The following MEGF9 variants were observed in gnomAD, a reference collection of about 807,000 sequenced individuals.
MEGF9 encodes the protein multiple EGF like domains 9, also known as multiple epidermal growth factor-like domains protein 9.
In MEGF9, 6 loss-of-function variants were observed where a neutral mutation model predicts 46.8. That is an observed-to-expected ratio of 0.13 (90% CI 0.07 to 0.25). The LOEUF is 0.25. Among genes scored for constraint, MEGF9 ranks in the 10% least tolerant of loss-of-function variants. The probability of loss-of-function intolerance (pLI) is 1.00; values close to 1 mark genes in which losing one functional copy is unlikely to be tolerated. For synonymous variants in MEGF9, 302 were observed against 330.7 expected, an observed-to-expected ratio of 0.91 and a Z score of 0.94; for missense variants, 683 against 792.4, an observed-to-expected ratio of 0.86 and a Z score of 1.66.
chr9:120,615,999 G>C (rs1261189473), intron 3 of MEGF9, among the ~76,000 whole-genome samples: 1 of 152,108 alleles, frequency 6.6e-6, no homozygotes, highest in Non-Finnish European at 1.5e-5. Flanking sequence ...TACAACTATA[G>C]AGAAAGAAAA....
At chr9:120,623,541 T>C (rs2043510981) in intron 2 of MEGF9, among the ~76,000 whole-genome samples, 2 of 152,330 alleles carry the variant, frequency 1.3e-5, no homozygotes, top group South Asian at 4.1e-4. Context: ...GTACTGATCA[T>C]AGTATAGGAG....
chr9:120,671,410 TGA>T (rs2043748529), intron 1 of MEGF9, among the ~76,000 whole-genome samples: 1 of 152,082 alleles, frequency 6.6e-6, no homozygotes, highest in Non-Finnish European at 1.5e-5. Flanking sequence ...ACCATCAGAA[TGA>T]GAAATAAATC....
At chr9:120,659,641 T>C in intron 1 of MEGF9, 66 bp from the exon 2 acceptor site, 1 of 1,246,890 alleles carries the variant, frequency 8.0e-7, no homozygotes, top group Non-Finnish European at 1.1e-6. Flanking sequence ...TAAAATGAAC[T>C]CTATTTTATT....
chr9:120,714,419 T>G lies in MEGF9; in HGVS notation c.-61A>C. On this transcript the variant is annotated 5_prime_UTR_variant, in exon 1 of 6. Transcript: ENST00000373930. ...TCGTTGCAATCCGACCAAGGAAGCC[T>G]CCGCAACCGCCGCCGCCACCGCCAC... is the stretch of plus-strand genomic sequence containing the variant. 8.2e-7 allele frequency: 1 copy of G among 1,217,950 alleles called. No individual in the cohort carries two copies. Among genetic ancestry groups the G allele is most frequent in the Non-Finnish European group, 1.0e-6 (1 of 967,676 alleles). The allele number at this position is 1,217,950 out of a possible 1,614,324, so 75.4% of individuals were successfully genotyped here. A position where few individuals can be genotyped will look rare whatever the true frequency, so the allele number is the denominator to read the frequency against.
chr9:120,629,932 CA>C (rs1177937335), intron 2 of MEGF9, among the ~76,000 whole-genome samples: 6,093 of 102,130 alleles, frequency 0.06, 369 homozygotes, highest in African/African-American at 0.19. Flanking sequence ...GACTCCGTCT[CA>C]AAAAAAAAAA....
chr9:120,689,049 T>C lies in MEGF9; in HGVS notation c.601+24709A>G, dbSNP rs1025843281. On this transcript the variant is annotated intron_variant, in intron 1 of 5. Transcript: ENST00000373930. ...ACAATGAGAAAGACAGACGTGGTCATTGTTCTTATACAGCTTAATGTCTTA... is the reference window on the plus strand; with the variant it reads ...ACAATGAGAAAGACAGACGTGGTCACTGTTCTTATACAGCTTAATGTCTTA... Among the ~76,000 whole-genome samples, 10 of 152,196 alleles carry C rather than the reference T, an allele frequency of 6.6e-5. No individual in the cohort carries two copies. In the East Asian group the frequency reaches 1.2e-3, roughly 18 times the overall value.
chr9:120,645,496 A>C (rs928340319), intron 2 of MEGF9, among the ~76,000 whole-genome samples: 4 of 152,208 alleles, frequency 2.6e-5, no homozygotes, highest in Non-Finnish European at 4.4e-5. Flanking sequence ...TCCAGGTAGC[A>C]GTGAGAAACA....
chr9:120,622,103 T>C (rs1006333869), intron 3 of MEGF9, among the ~76,000 whole-genome samples: 3 of 152,206 alleles, frequency 2.0e-5, no homozygotes, highest in African/African-American at 7.2e-5. Flanking sequence ...AAGAGATTTT[T>C]TTCTACCTTT....
At position 120,692,694 on chromosome 9, in the gene MEGF9, G is replaced by A. The variant is rs139560190; in HGVS notation, c.601+21064C>T. Among the ~76,000 whole-genome samples the A allele has an allele frequency of 9.8e-4, 149 of 151,946 alleles. 2 individuals are homozygous for A. The East Asian group carries it at 0.021, about 21-fold the overall frequency. ...TCATGTACCTTTTCCTCCCCTACTC[G>A]AGCCACTCAGGACTTCAGTTCCCTA... is the stretch of plus-strand genomic sequence containing the variant. On this transcript the variant is annotated intron_variant, in intron 1 of 5. Coordinates refer to ENST00000373930, the MANE Select transcript of MEGF9 (RefSeq NM_001080497.3).
intron 3 of MEGF9, among the ~76,000 whole-genome samples, chr9:120,620,785 C>T (rs978176802): frequency 6.6e-6 from 1 of 150,896 alleles, no homozygotes; most frequent in Non-Finnish European, 1.5e-5. Flanking sequence ...CTGACTGGAT[C>T]ACAGATGTAA....
chr9:120,607,807 C>A lies in MEGF9; in HGVS notation c.1291G>T (p.Gly431Trp). Residue 431 changes from glycine to tryptophan, a missense_variant, in exon 5 of 6, where the codon GGG becomes TGG. By Grantham distance (184) the Gly-to-Trp change is radical (BLOSUM62 -2). This residue lies in a region of MEGF9 where 313 missense variants were observed against 421.1 expected (regional missense o/e 0.74). Transcript: ENST00000373930. ...ECINCLHNTT[G>W]FWCENCLEGY... ...TCTAGGCAGTTCTCACACCAAAACC[C>A]AGTGGTGTTATGGAGGCAGTTGATG... 3 of 1,613,970 alleles carry A rather than the reference C, an allele frequency of 1.9e-6. No individual in the cohort carries two copies. The highest frequency in any genetic ancestry group is 2.5e-6 in the Non-Finnish European group (3 of 1,179,866).
At chr9:120,615,375 A>G (rs2043467797) in intron 3 of MEGF9, among the ~76,000 whole-genome samples, 1 of 150,926 alleles carries the variant, frequency 6.6e-6, no homozygotes, top group African/African-American at 2.4e-5. Flanking sequence ...TATGTTTACT[A>G]TTTTGGGGCT....
At chr9:120,666,863 C>T (rs922970581) in intron 1 of MEGF9, among the ~76,000 whole-genome samples, 3 of 151,970 alleles carry the variant, frequency 2.0e-5, no homozygotes, top group African/African-American at 7.3e-5. Flanking sequence ...ATCTTAAATG[C>T]ATTATGCTAA....
chr9:120,627,977 TA>T (rs960968908), intron 2 of MEGF9, among the ~76,000 whole-genome samples: 7 of 152,186 alleles, frequency 4.6e-5, no homozygotes, highest in African/African-American at 1.4e-4. Flanking sequence ...TTTAAATAAC[TA>T]AAAAACAATT....
intron 2 of MEGF9, among the ~76,000 whole-genome samples, chr9:120,657,166 T>A (rs1416187464): frequency 1.3e-5 from 2 of 152,228 alleles, no homozygotes; most frequent in Non-Finnish European, 2.9e-5. Context: ...TGCATGGAAC[T>A]ATGTTCCAAT....
chr9:120,638,041 G>C (rs2043586406), intron 2 of MEGF9, among the ~76,000 whole-genome samples: 1 of 151,864 alleles, frequency 6.6e-6, no homozygotes, highest in Non-Finnish European at 1.5e-5. Context: ...CACCCAGACT[G>C]AAGTGCAGTG....
rs1245149648 is a variant in MEGF9 at position 120,607,724 on chromosome 9, C to T, written c.1357+17G>A. 2.5e-6 allele frequency: 4 copies of T among 1,605,188 alleles called. No individual in the cohort carries two copies. Among genetic ancestry groups the T allele is most frequent in the Non-Finnish European group, 3.4e-6 (4 of 1,172,454 alleles). The stretch of plus-strand genomic sequence containing the variant: ...GTTTTAGATATTAAATTTACAATCA[C>T]TTAGGTGAAGTTTTACCTTTCTTGA... On this transcript the variant is annotated intron_variant, in intron 5 of 5. Coordinates refer to ENST00000373930, the MANE Select transcript of MEGF9 (RefSeq NM_001080497.3).
At chr9:120,692,577 A>G (rs2043854075) in intron 1 of MEGF9, among the ~76,000 whole-genome samples, 1 of 152,110 alleles carries the variant, frequency 6.6e-6, no homozygotes. Context: ...TGGCTCTTAG[A>G]ATCAATTTCT....
At chr9:120,659,131 T>C (rs978066424) in intron 2 of MEGF9, among the ~76,000 whole-genome samples, 1 of 152,170 alleles carries the variant, frequency 6.6e-6, no homozygotes, top group Non-Finnish European at 1.5e-5. Flanking sequence ...TTTACAGAAA[T>C]TATCCCAGAG....
Sources: gnomAD v4.1 joint callset for allele counts (sites outside exome capture counted in the v4.1 genomes callset) on GRCh38, gnomAD v4.1.1 for gene constraint, gnomAD v4.1.1 regional missense constraint, MANE v1.5 for transcripts, NCBI Gene and HGNC (gene_info 2026-07-23, HGNC 2026-07-21) for gene names.